The following TTLL7 variants were observed in gnomAD, a reference collection of about 807,000 sequenced individuals.
The protein encoded by TTLL7 is tubulin tyrosine ligase like 7.
A neutral mutation model predicts 120.2 loss-of-function variants in TTLL7; 53 were observed. The ratio of observed to expected loss-of-function variants is 0.44; its 90% confidence interval spans 0.35 to 0.55. The LOEUF is 0.55. Among genes scored for constraint, TTLL7 ranks in the 20% least tolerant of loss-of-function variants. TTLL7 has a pLI of 0.00. For synonymous variants in TTLL7, 353 were observed against 351.7 expected, an observed-to-expected ratio of 1.00 and a Z score of -0.04; for missense variants, 803 against 1,054.7, an observed-to-expected ratio of 0.76 and a Z score of 3.31.
At chr1:83,940,113 T>C (rs1193542638) in intron 7 of TTLL7, among the ~76,000 whole-genome samples, 1 of 152,136 alleles carries the variant, frequency 6.6e-6, no homozygotes, top group Non-Finnish European at 1.5e-5. Context: ...GCTTACGTGA[T>C]TGAAGAGCAC....
Position 83,907,645 on chromosome 1 carries a change from T to A in TTLL7, c.1803A>T (p.Ser601=), listed in dbSNP as rs1315763560. 6 of 1,612,716 alleles carry A rather than the reference T, an allele frequency of 3.7e-6. No individual in the cohort carries two copies. The African/African-American group carries it at 6.7e-5, about 18-fold the overall frequency. The change falls in exon 16 of 21, where the codon TCA becomes TCT. Residue 601 remains serine (S), a synonymous_variant. Coordinates refer to ENST00000260505, the MANE Select transcript of TTLL7 (RefSeq NM_024686.6). ...CAGAGATGGACCGAGGGCAGCTGAC[T>A]GAACGTCTTATGGAGCCTATCAGTG... The part of the protein sequence containing the change: ...LIQQPSSIRR[S]VSCPRSISAQ...
chr1:83,942,703 A>G, intron 6 of TTLL7, 24 bp from the exon 7 acceptor site: 1 of 1,553,964 alleles, frequency 6.4e-7, no homozygotes, highest in Non-Finnish European at 8.8e-7. Flanking sequence ...AAAAAATTAA[A>G]AGAATGATTT....
chr1:83,880,170 A>G (rs998206732), intron 20 of TTLL7: 1 of 152,030 alleles, frequency 6.6e-6, no homozygotes, highest in Non-Finnish European at 1.5e-5. Flanking sequence ...GAAAGTATTA[A>G]AAGTTTTATT....
At chr1:83,955,743 G>C (rs2100871175) in intron 1 of TTLL7, among the ~76,000 whole-genome samples, 1 of 152,282 alleles carries the variant, frequency 6.6e-6, no homozygotes, top group Non-Finnish European at 1.5e-5. Context: ...AGGCACCATG[G>C]CTCATGCCTA....
chr1:83,904,300 C>A, intron 17 of TTLL7, 141 bp from the exon 18 acceptor site: 1 of 627,656 alleles, frequency 1.6e-6, no homozygotes, highest in Non-Finnish European at 2.7e-6. Context: ...ATTTCTAATA[C>A]AAATTAAAGA....
chr1:83,930,981 T>C (rs1385689797), intron 9 of TTLL7, among the ~76,000 whole-genome samples: 1 of 151,244 alleles, frequency 6.6e-6, no homozygotes, highest in Non-Finnish European at 1.5e-5. Context: ...TCAATTTAGG[T>C]TTTCATTCAG....
chr1:83,869,853 CTT>C lies in TTLL7; in HGVS notation c.*107_*108del. The C allele has an allele frequency of 8.2e-7, 1 of 1,217,714 alleles. No individual in the cohort carries two copies. 75.4% of individuals were successfully genotyped at this position (1,217,714 alleles called of 1,614,324 possible). ...CATATATTTTCACACATATATATGT[CTT>C]ATATACATAAAACAGCACTTAATGG... On this transcript the variant is annotated 3_prime_UTR_variant, in exon 21 of 21. Transcript: ENST00000260505.
chr1:83,965,010 A>C (rs763912061), intron 1 of TTLL7, among the ~76,000 whole-genome samples: 35 of 152,078 alleles, frequency 2.3e-4, no homozygotes, highest in Admixed American at 1.4e-3. Context: ...TGGACCACAA[A>C]ATTGTTATCT....
rs559175923 is a variant in TTLL7, at chr1:83,867,229, C to T, written c.*2733G>A. ...AATATTTTATACCTCTAAATCATTTCCATGGCCTCCCAACACTTCCATGGT... is the reference window on the plus strand; with the variant it reads ...AATATTTTATACCTCTAAATCATTTTCATGGCCTCCCAACACTTCCATGGT... On this transcript the variant is annotated 3_prime_UTR_variant, in exon 21 of 21. Coordinates refer to ENST00000260505, the MANE Select transcript of TTLL7 (RefSeq NM_024686.6). 6.6e-6 allele frequency: 1 copy of T among 152,078 alleles called. No homozygotes were observed. The highest frequency in any genetic ancestry group is 2.1e-4 in the South Asian group (1 of 4,824). 9.4% of individuals were successfully genotyped at this position (152,078 alleles called of 1,614,324 possible). A position where few individuals can be genotyped will look rare whatever the true frequency, so the allele number is the denominator to read the frequency against.
chr1:83,967,247 G>A (rs1346465088), intron 1 of TTLL7, among the ~76,000 whole-genome samples: 5 of 151,946 alleles, frequency 3.3e-5, no homozygotes, highest in South Asian at 2.1e-4. Flanking sequence ...AAGTTAATTG[G>A]CTATCAAAAT....
chr1:83,948,536 C>A, intron 5 of TTLL7, 92 bp downstream of exon 5: 1 of 873,186 alleles, frequency 1.1e-6, no homozygotes, highest in Non-Finnish European at 1.8e-6. Context: ...AATATCATTT[C>A]AAATCAATGT....
intron 9 of TTLL7, 108 bp from the exon 10 acceptor site, chr1:83,929,338 C>T (rs1659394823): frequency 4.2e-6 from 3 of 711,790 alleles, no homozygotes; most frequent in Admixed American, 5.6e-5. Flanking sequence ...CATTAAACCT[C>T]AAAGCTTTAC....
intron 18 of TTLL7, among the ~76,000 whole-genome samples, chr1:83,902,634 TC>T (rs1246759072): frequency 6.6e-6 from 1 of 151,954 alleles, no homozygotes; most frequent in Non-Finnish European, 1.5e-5. Context: ...TGATAGATTC[TC>T]CCCATCTCTC....
chr1:83,938,664 A>G (rs1647645610), intron 7 of TTLL7, among the ~76,000 whole-genome samples: 1 of 152,140 alleles, frequency 6.6e-6, no homozygotes, highest in Non-Finnish European at 1.5e-5. Context: ...TCTCTTTATG[A>G]TCTTACATTT....
At chr1:83,902,729 G>A (rs768195944) in intron 18 of TTLL7, among the ~76,000 whole-genome samples, 13 of 151,902 alleles carry the variant, frequency 8.6e-5, no homozygotes, top group Non-Finnish European at 1.6e-4. Flanking sequence ...AAATATCTTA[G>A]AGACTCCTAA....
At chr1:83,991,116 C>A (rs528333781) in intron 1 of TTLL7, among the ~76,000 whole-genome samples, 11 of 152,176 alleles carry the variant, frequency 7.2e-5, no homozygotes, top group Admixed American at 4.6e-4. Flanking sequence ...ATGTATGATT[C>A]CGCTTGTATG....
rs147474564 is a variant in TTLL7, at chr1:83,974,480, C to T, written c.-176-22093G>A. Among the ~76,000 whole-genome samples, 941 of 151,862 alleles carry T rather than the reference C, an allele frequency of 6.2e-3. 6 individuals are homozygous for T. Among genetic ancestry groups the T allele is most frequent in the African/African-American group, 0.011 (453 of 41,470 alleles). On this transcript the variant is annotated intron_variant, in intron 1 of 20. Coordinates refer to ENST00000260505, the MANE Select transcript of TTLL7 (RefSeq NM_024686.6). ...CATTTTCTAAGCCCAAAATCCAAAA[C>T]GATAACAATTAACAAAAAGTATACC...
chr1:83,908,634 G>A (rs891143693), intron 15 of TTLL7, among the ~76,000 whole-genome samples: 1 of 151,848 alleles, frequency 6.6e-6, no homozygotes, highest in African/African-American at 2.4e-5. Context: ...CTGACACAGG[G>A]AAATAGATCA....
chr1:83,905,861 A>C (rs1657160107), intron 17 of TTLL7, among the ~76,000 whole-genome samples: 1 of 152,014 alleles, frequency 6.6e-6, no homozygotes, highest in Non-Finnish European at 1.5e-5. Flanking sequence ...ACAGCTCAGC[A>C]TAAGTCATTT....
Sources: gnomAD v4.1 joint callset for allele counts (sites outside exome capture counted in the v4.1 genomes callset) on GRCh38, gnomAD v4.1.1 for gene constraint, MANE v1.5 for transcripts, NCBI Gene and HGNC (gene_info 2026-07-23, HGNC 2026-07-21) for gene names.